PPP6R3: variants seen among roughly 807,000 people sequenced by gnomAD.
PPP6R3 encodes the protein serine/threonine-protein phosphatase 6 regulatory subunit 3.
PPP6R3 carries 38 observed loss-of-function variants against 110.7 expected under a neutral mutation model. The observed-to-expected ratio is 0.34, with a 90% CI of 0.26 to 0.45. The LOEUF is 0.45. Ranked by LOEUF, PPP6R3 falls within the 20% of genes least tolerant of loss-of-function variation. The probability of loss-of-function intolerance (pLI) is 1.00; values close to 1 mark genes in which losing one functional copy is unlikely to be tolerated. For missense variants in PPP6R3, 870 were observed against 1,062.4 expected, an observed-to-expected ratio of 0.82 and a Z score of 2.52; for synonymous variants, 369 against 373.5, an observed-to-expected ratio of 0.99 and a Z score of 0.14.
chr11:68,543,098 T>C (rs1230150662), intron 3 of PPP6R3, among the ~76,000 whole-genome samples: 1 of 152,166 alleles, frequency 6.6e-6, no homozygotes, highest in African/African-American at 2.4e-5. Context: ...CAGGCCCTCT[T>C]CCCAGCCTTT....
chr11:68,570,571 C>T (rs1000893744), intron 11 of PPP6R3, among the ~76,000 whole-genome samples: 1 of 152,208 alleles, frequency 6.6e-6, no homozygotes, highest in African/African-American at 2.4e-5. Context: ...AGACTTTGGG[C>T]AAAACCCACC....
chr11:68,576,644 G>A (rs78878362), intron 14 of PPP6R3, among the ~76,000 whole-genome samples: 15 of 152,236 alleles, frequency 9.9e-5, no homozygotes, highest in African/African-American at 3.6e-4. Flanking sequence ...TTTAAGGTAA[G>A]TATTGCTTTT....
chr11:68,556,995 A>G (rs113343934), intron 7 of PPP6R3, among the ~76,000 whole-genome samples: 1,871 of 152,372 alleles, frequency 0.012, 15 homozygotes, highest in African/African-American at 0.029. Flanking sequence ...AGGCATCTGT[A>G]TTGACGAAAG....
chr11:68,611,803 C>G (rs1943562282), intron 23 of PPP6R3, among the ~76,000 whole-genome samples: 3 of 152,172 alleles, frequency 2.0e-5, no homozygotes, highest in Admixed American at 2.0e-4. Flanking sequence ...TGCACGTGTT[C>G]TAAAGTGACG....
At chr11:68,499,144 A>G (rs181951594) in intron 1 of PPP6R3, among the ~76,000 whole-genome samples, 6 of 145,782 alleles carry the variant, frequency 4.1e-5, no homozygotes, top group Admixed American at 6.8e-5. Context: ...TTACCTTTCT[A>G]TTTTTTGCTG....
intron 15 of PPP6R3, 147 bp from the exon 16 acceptor site, chr11:68,587,780 A>G (rs2099583459): frequency 1.3e-6 from 1 of 768,948 alleles, no homozygotes; most frequent in South Asian, 1.5e-5. Flanking sequence ...GTCTGAAATT[A>G]TTTGATTTTT....
At chr11:68,488,244 A>T (rs2098960849) in intron 1 of PPP6R3, among the ~76,000 whole-genome samples, 1 of 151,928 alleles carries the variant, frequency 6.6e-6, no homozygotes, top group Non-Finnish European at 1.5e-5. Context: ...TTTTTTTTAA[A>T]CAGGGACTTG....
intron 9 of PPP6R3, among the ~76,000 whole-genome samples, chr11:68,566,299 T>C (rs910973675): frequency 6.6e-6 from 1 of 151,992 alleles, no homozygotes; most frequent in African/African-American, 2.4e-5. Flanking sequence ...TCTTTATTCT[T>C]CCTTCCTCCT....
chr11:68,573,111 A>ATT (rs1413320923), intron 12 of PPP6R3, among the ~76,000 whole-genome samples: 14 of 35,340 alleles, frequency 4.0e-4, no homozygotes, highest in East Asian at 4.0e-3. Flanking sequence ...GAGTTTACTT[A>ATT]TTTTATATAT....
chr11:68,493,805 T>C (rs2153449172), intron 1 of PPP6R3, among the ~76,000 whole-genome samples: 1 of 151,600 alleles, frequency 6.6e-6, no homozygotes, highest in African/African-American at 2.4e-5. Flanking sequence ...AGTACTCTTT[T>C]AAAACGCTAG....
At chr11:68,472,380 A>G (rs1483570626) in intron 1 of PPP6R3, among the ~76,000 whole-genome samples, 1 of 152,180 alleles carries the variant, frequency 6.6e-6, no homozygotes, top group Non-Finnish European at 1.5e-5. Context: ...GTTTCTAGTA[A>G]GAAGGAACGC....
intron 23 of PPP6R3, among the ~76,000 whole-genome samples, chr11:68,612,625 TTCCC>T (rs1480894613): frequency 6.6e-6 from 1 of 152,092 alleles, no homozygotes; most frequent in African/African-American, 2.4e-5. Flanking sequence ...CTTTCCTTTT[TTCCC>T]CCCTTTCCTA....
intron 1 of PPP6R3, among the ~76,000 whole-genome samples, chr11:68,502,328 A>C (rs1197277548): frequency 1.3e-5 from 2 of 152,204 alleles, no homozygotes; most frequent in African/African-American, 2.4e-5. Context: ...TGCATATTTT[A>C]TACTCTTAGT....
intron 11 of PPP6R3, 63 bp downstream of exon 11, chr11:68,569,960 CTGTGA>C: frequency 6.8e-7 from 1 of 1,469,036 alleles, no homozygotes; most frequent in Non-Finnish European, 9.3e-7. Flanking sequence ...TTCCACTTGA[CTGTGA>C]TGTGAATTGA....
chr11:68,611,506 A>C (rs1441911026), intron 23 of PPP6R3, among the ~76,000 whole-genome samples: 1 of 152,156 alleles, frequency 6.6e-6, no homozygotes, highest in African/African-American at 2.4e-5. Flanking sequence ...ATGGAGGAAA[A>C]GATGGGGTCA....
chr11:68,533,820 A>G (rs1752707666), intron 2 of PPP6R3, among the ~76,000 whole-genome samples: 1 of 152,210 alleles, frequency 6.6e-6, no homozygotes, highest in East Asian at 1.9e-4. Context: ...TAAACCCACA[A>G]AGTGATGGCT....
chr11:68,542,103 C>T (rs2099318928), intron 3 of PPP6R3, among the ~76,000 whole-genome samples: 1 of 136,206 alleles, frequency 7.3e-6, no homozygotes. Flanking sequence ...GAAACACAGC[C>T]AGTGTGAGGG....
chr11:68,572,070 A>C (rs1240719348), intron 12 of PPP6R3, among the ~76,000 whole-genome samples: 1 of 151,704 alleles, frequency 6.6e-6, no homozygotes, highest in East Asian at 1.9e-4. Context: ...ATTTGGCTTC[A>C]TGTGGGAAAT....
In PPP6R3 at chr11:68,535,863, G is replaced by C. The variant is rs187946071; in HGVS notation, c.-6-1796G>C. On this transcript the variant is annotated intron_variant, in intron 2 of 23. Transcript: ENST00000393800. ...GGCATGGTGTAATCCTAGCTACTTG[G>C]GAGGCTGAGGTAGGGATTACTTGAA... 7.6e-3 allele frequency among the ~76,000 whole-genome samples: 1,154 copies of C among 151,890 alleles called. 13 individuals carry two copies. The highest frequency in any genetic ancestry group is 8.6e-3 in the Non-Finnish European group (584 of 67,956).
Sources: gnomAD v4.1 joint callset for allele counts (sites outside exome capture counted in the v4.1 genomes callset) on GRCh38, gnomAD v4.1.1 for gene constraint, MANE v1.5 for transcripts, NCBI Gene and HGNC (gene_info 2026-07-23, HGNC 2026-07-21) for gene names.